The following CDH20 variants were observed in gnomAD, a reference collection of about 807,000 sequenced individuals.
The protein encoded by CDH20 is cadherin 20.
A neutral mutation model predicts 74.2 loss-of-function variants in CDH20; 29 were observed. The ratio of observed to expected loss-of-function variants is 0.39; its 90% CI spans 0.29 to 0.53. CDH20 has a LOEUF of 0.53. Among genes scored for constraint, CDH20 ranks in the 20% least tolerant of loss-of-function variants. The pLI is 0.69. For synonymous variants in CDH20, 469 were observed against 405.4 expected, an observed-to-expected ratio of 1.16 and a Z score of -1.88; for missense variants, 988 against 1,048.3, an observed-to-expected ratio of 0.94 and a Z score of 0.79.
intron 3 of CDH20, among the ~76,000 whole-genome samples, chr18:61,500,102 TAAAAAAAAAAAAAA>T (rs534695760): frequency 3.5e-5 from 2 of 56,520 alleles, no homozygotes; most frequent in Non-Finnish European, 3.7e-5. Flanking sequence ...GACTCCATCT[TAAAAAAAAAAAAAA>T]AAAAAAAAAA....
chr18:61,480,105 A>T (rs865817308), intron 1 of CDH20, among the ~76,000 whole-genome samples: 1 of 152,210 alleles, frequency 6.6e-6, no homozygotes, highest in African/African-American at 2.4e-5. Context: ...GTTCAAGGAA[A>T]AGGGAATTAC....
At chr18:61,545,559 A>G (rs950663710) in intron 10 of CDH20, among the ~76,000 whole-genome samples, 2 of 152,156 alleles carry the variant, frequency 1.3e-5, no homozygotes, top group Non-Finnish European at 2.9e-5. Flanking sequence ...AAAATCCTTC[A>G]TTCCCACTGG....
intron 6 of CDH20, among the ~76,000 whole-genome samples, chr18:61,525,173 G>A (rs1269133781): frequency 1.3e-5 from 2 of 151,998 alleles, no homozygotes; most frequent in Non-Finnish European, 2.9e-5. Context: ...GATTATCACG[G>A]TAGACACATG....
chr18:61,335,396 G>A (rs1192900267), intron 1 of CDH20, among the ~76,000 whole-genome samples: 2 of 152,306 alleles, frequency 1.3e-5, no homozygotes, highest in African/African-American at 2.4e-5. Context: ...AAAGCTGGGC[G>A]AGGGTGTGGG....
intron 1 of CDH20, among the ~76,000 whole-genome samples, chr18:61,420,407 G>T (rs150564334): frequency 6.7e-6 from 1 of 150,168 alleles, no homozygotes; most frequent in Non-Finnish European, 1.5e-5. Context: ...TCCGTGGGCC[G>T]GGCTATGGAG....
At chr18:61,361,086 T>C (rs929834052) in intron 1 of CDH20, among the ~76,000 whole-genome samples, 1 of 152,254 alleles carries the variant, frequency 6.6e-6, no homozygotes, top group Admixed American at 6.5e-5. Flanking sequence ...TCTGAACATA[T>C]GTAACAAACC....
chr18:61,443,068 G>A (rs1319593911), intron 1 of CDH20, among the ~76,000 whole-genome samples: 2 of 152,172 alleles, frequency 1.3e-5, no homozygotes, highest in Non-Finnish European at 1.5e-5. Context: ...GGGTGGGAGA[G>A]AAGACCTCAT....
chr18:61,500,560 G>T (rs1911341950), intron 4 of CDH20, 58 bp downstream of exon 4: 2 of 1,541,848 alleles, frequency 1.3e-6, no homozygotes, highest in Non-Finnish European at 1.8e-6. Context: ...TATAACTGCT[G>T]CTATGACAGA....
intron 1 of CDH20, among the ~76,000 whole-genome samples, chr18:61,467,620 T>C (rs1446085393): frequency 6.6e-6 from 1 of 152,172 alleles, no homozygotes; most frequent in Non-Finnish European, 1.5e-5. Context: ...ATGAACATGA[T>C]AGTTTATGCC....
intron 7 of CDH20, among the ~76,000 whole-genome samples, chr18:61,528,525 G>A (rs538577): frequency 0.98 from 148,469 of 151,568 alleles, 72,795 homozygotes; most frequent in East Asian, 1. Context: ...TTGGGGGTGG[G>A]TAATTCTGTG....
chr18:61,428,309 T>C (rs543838522), intron 1 of CDH20, among the ~76,000 whole-genome samples: 2 of 152,168 alleles, frequency 1.3e-5, no homozygotes, highest in African/African-American at 2.4e-5. Context: ...TGACCTACTG[T>C]CACCTTAATA....
intron 1 of CDH20, among the ~76,000 whole-genome samples, chr18:61,473,133 G>T (rs1910243868): frequency 6.6e-6 from 1 of 152,214 alleles, no homozygotes; most frequent in African/African-American, 2.4e-5. Context: ...TCAGATTGAT[G>T]TAATATGGCA....
intron 1 of CDH20, among the ~76,000 whole-genome samples, chr18:61,367,126 A>G (rs1408259224): frequency 6.6e-6 from 1 of 152,158 alleles, no homozygotes; most frequent in East Asian, 1.9e-4. Context: ...CTTTTAAAAC[A>G]TTTCCTCTCA....
intron 1 of CDH20, among the ~76,000 whole-genome samples, chr18:61,418,138 C>T (rs11659484): frequency 0.16 from 25,053 of 152,080 alleles, 2,221 homozygotes; most frequent in Middle Eastern, 0.27. Flanking sequence ...TAATCTTGCC[C>T]GTTGAATAGA....
chr18:61,539,181 C>G (rs754209095), intron 9 of CDH20, 36 bp downstream of exon 9: 3 of 1,602,090 alleles, frequency 1.9e-6, no homozygotes, highest in Non-Finnish European at 2.6e-6. Context: ...TCTGCTTAAC[C>G]CCTAACTTCT....
chr18:61,471,487 T>C (rs1157864362), intron 1 of CDH20, among the ~76,000 whole-genome samples: 1 of 152,350 alleles, frequency 6.6e-6, no homozygotes, highest in East Asian at 1.9e-4. Context: ...CAATTGCTTC[T>C]CTTTAGTCAT....
At chr18:61,414,224 G>A (rs1197616472) in intron 1 of CDH20, among the ~76,000 whole-genome samples, 1 of 152,132 alleles carries the variant, frequency 6.6e-6, no homozygotes, top group East Asian at 1.9e-4. Context: ...GTAAGGAACA[G>A]ATGCAAAGTG....
In CDH20 at chr18:61,397,410, G is replaced by A. The variant is rs189014843; in HGVS notation, c.-153+63583G>A. ...GCACATGACTGCCTGCTGCAGCCCC[G>A]CAGCCCTGTGGAGTTTCTTGAGCAT... On this transcript the variant is annotated intron_variant, in intron 1 of 11. Coordinates refer to ENST00000262717, the MANE Select transcript of CDH20 (RefSeq NM_031891.4). 1.3e-4 allele frequency among the ~76,000 whole-genome samples: 20 copies of A among 152,144 alleles called. No individual in the cohort carries two copies. In the South Asian group the frequency reaches 1.7e-3, roughly 13 times the overall value.
At chr18:61,517,634 T>TG (rs1357908769) in intron 6 of CDH20, among the ~76,000 whole-genome samples, 3 of 152,182 alleles carry the variant, frequency 2.0e-5, no homozygotes, top group Admixed American at 1.3e-4. Context: ...TCCAGGGACC[T>TG]GGGTTTCAAG....
Sources: gnomAD v4.1 joint callset for allele counts (sites outside exome capture counted in the v4.1 genomes callset) on GRCh38, gnomAD v4.1.1 for gene constraint, MANE v1.5 for transcripts, NCBI Gene and HGNC (gene_info 2026-07-23, HGNC 2026-07-21) for gene names.